The following ANO4 variants were observed in gnomAD, a reference collection of about 807,000 sequenced individuals.
ANO4 encodes anoctamin 4.
Under a neutral mutation model 141.9 loss-of-function variants are expected in ANO4, and 69 were observed. The observed-to-expected ratio is 0.49, with a 90% CI of 0.40 to 0.59. ANO4 has a LOEUF of 0.59. Among genes scored for constraint, ANO4 ranks in the 20% least tolerant of loss-of-function variants. The pLI is 0.00. For synonymous variants in ANO4, 350 were observed against 394.3 expected, an observed-to-expected ratio of 0.89 and a Z score of 1.33; for missense variants, 894 against 1,162.2, an observed-to-expected ratio of 0.77 and a Z score of 3.36.
intron 1 of ANO4, among the ~76,000 whole-genome samples, chr12:100,826,037 A>G (rs1448943498): frequency 6.6e-6 from 1 of 152,054 alleles, no homozygotes; most frequent in Middle Eastern, 3.2e-3. Flanking sequence ...AGAGAAATGT[A>G]ATTATTTATA....
intron 1 of ANO4, among the ~76,000 whole-genome samples, chr12:100,731,260 T>C (rs2136803429): frequency 6.6e-6 from 1 of 152,332 alleles, no homozygotes; most frequent in African/African-American, 2.4e-5. Flanking sequence ...AGACCAGTGT[T>C]GCAACTATTT....
At chr12:101,039,826 A>G in intron 10 of ANO4, 129 bp from the exon 11 acceptor site, 1 of 1,021,064 alleles carries the variant, frequency 9.8e-7, no homozygotes, top group Non-Finnish European at 1.4e-6. Context: ...GCCCTTTAAT[A>G]GAGAGGATTC....
chr12:100,882,281 A>G (rs1303297567), intron 1 of ANO4, among the ~76,000 whole-genome samples: 2 of 152,124 alleles, frequency 1.3e-5, no homozygotes, highest in African/African-American at 2.4e-5. Flanking sequence ...GTCGAGCTAC[A>G]TAGGCCAATT....
At chr12:100,880,022 C>T (rs997511915) in intron 1 of ANO4, among the ~76,000 whole-genome samples, 3 of 152,128 alleles carry the variant, frequency 2.0e-5, no homozygotes, top group Non-Finnish European at 2.9e-5. Context: ...TATTAGAACA[C>T]ACTCCAGTTA....
intron 1 of ANO4, among the ~76,000 whole-genome samples, chr12:100,887,458 G>GGAAAACCA (rs2039892038): frequency 6.6e-6 from 1 of 151,766 alleles, no homozygotes; most frequent in South Asian, 2.1e-4. Flanking sequence ...ATTTGTTTTA[G>GGAAAACCA]GAAAACCAGA....
intron 1 of ANO4, among the ~76,000 whole-genome samples, chr12:100,865,461 A>T (rs577755981): frequency 6.6e-6 from 1 of 152,306 alleles, no homozygotes; most frequent in East Asian, 1.9e-4. Context: ...AAACAAATTT[A>T]TGAGAAAAAA....
intron 9 of ANO4, among the ~76,000 whole-genome samples, chr12:101,028,657 T>A (rs1225113515): frequency 6.6e-6 from 1 of 151,910 alleles, no homozygotes; most frequent in Non-Finnish European, 1.5e-5. Flanking sequence ...AAACAAAACC[T>A]CCAAGAAATA....
chr12:101,017,374 A>G (rs532666435), intron 8 of ANO4, among the ~76,000 whole-genome samples: 2 of 152,268 alleles, frequency 1.3e-5, no homozygotes, highest in South Asian at 2.1e-4. Context: ...CCCATGACAC[A>G]TGGGGATTAT....
intron 9 of ANO4, among the ~76,000 whole-genome samples, chr12:101,027,939 C>G (rs979964336): frequency 2.0e-5 from 3 of 152,056 alleles, no homozygotes; most frequent in African/African-American, 7.2e-5. Context: ...GGTTGGAGCC[C>G]CTCCGGGTTA....
chr12:100,723,758 C>G (rs1262593934), intron 1 of ANO4, among the ~76,000 whole-genome samples: 4 of 152,124 alleles, frequency 2.6e-5, no homozygotes, highest in East Asian at 3.9e-4. Flanking sequence ...AATCTAAAAT[C>G]TAAACCCAAT....
chr12:101,029,946 T>C (rs934367931), intron 9 of ANO4, among the ~76,000 whole-genome samples: 1 of 142,104 alleles, frequency 7.0e-6, no homozygotes, highest in African/African-American at 2.6e-5. Context: ...TAAATTTATA[T>C]GCACCCAATA....
intron 6 of ANO4, among the ~76,000 whole-genome samples, chr12:100,973,129 T>G (rs1204219363): frequency 6.6e-6 from 1 of 152,256 alleles, no homozygotes; most frequent in East Asian, 1.9e-4. Flanking sequence ...ATTGTTAATG[T>G]GTGACACTAA....
chr12:100,740,474 T>G (rs1313075794), intron 3 of ANO4, among the ~76,000 whole-genome samples: 1 of 152,202 alleles, frequency 6.6e-6, no homozygotes, highest in Non-Finnish European at 1.5e-5. Context: ...GGTAAAATGT[T>G]ATCTAGAAAT....
chr12:100,912,414 AAAG>A (rs2041146478), intron 2 of ANO4, among the ~76,000 whole-genome samples: 1 of 99,188 alleles, frequency 1.0e-5, no homozygotes, highest in African/African-American at 3.4e-5. Flanking sequence ...AAAAAAGAAA[AAAG>A]AAAAAAAAAA....
intron 2 of ANO4, among the ~76,000 whole-genome samples, chr12:100,907,840 G>A (rs1196113163): frequency 6.6e-6 from 1 of 152,074 alleles, no homozygotes; most frequent in Admixed American, 6.5e-5. Flanking sequence ...TTATTTCATT[G>A]CTATCTCTTT....
At chr12:101,105,859 G>A (rs755133071) in intron 22 of ANO4, among the ~76,000 whole-genome samples, 7 of 152,312 alleles carry the variant, frequency 4.6e-5, no homozygotes, top group Non-Finnish European at 5.9e-5. Flanking sequence ...GGTGGCCCAC[G>A]CCTGTCATCC....
chr12:101,011,471 G>A (rs2046091092), intron 8 of ANO4, among the ~76,000 whole-genome samples: 1 of 152,036 alleles, frequency 6.6e-6, no homozygotes, highest in Non-Finnish European at 1.5e-5. Flanking sequence ...TAGATCTCAT[G>A]CTCTGCATCA....
chr12:101,056,602 G>A (rs1055896265), intron 14 of ANO4, among the ~76,000 whole-genome samples: 3 of 151,544 alleles, frequency 2.0e-5, no homozygotes, highest in Admixed American at 1.3e-4. Flanking sequence ...CCTTATACTG[G>A]TTAGGACCTC....
At chr12:100,822,604 G>A (rs1370512409) in intron 1 of ANO4, among the ~76,000 whole-genome samples, 1 of 151,902 alleles carries the variant, frequency 6.6e-6, no homozygotes, top group East Asian at 1.9e-4. Context: ...CAAAACAATA[G>A]GTAAAGAGGA....
Sources: gnomAD v4.1 joint callset for allele counts (sites outside exome capture counted in the v4.1 genomes callset) on GRCh38, gnomAD v4.1.1 for gene constraint, MANE v1.5 for transcripts, NCBI Gene and HGNC (gene_info 2026-07-23, HGNC 2026-07-21) for gene names.